The following LINGO2 variants were observed in gnomAD, a reference collection of about 807,000 sequenced individuals.
LINGO2 encodes leucine rich repeat and Ig domain containing 2, also known as leucine-rich repeat and immunoglobulin-like domain-containing nogo receptor-interacting protein 2.
Under a neutral mutation model 30.6 loss-of-function variants are expected in LINGO2, and 14 were observed. The observed-to-expected ratio is 0.46, with a 90% CI of 0.30 to 0.72. The LOEUF (loss-of-function observed/expected upper bound fraction) is 0.72. Among genes scored for constraint, LINGO2 ranks in the 30% least tolerant of loss-of-function variants. LINGO2 has a pLI of 0.07. For missense variants in LINGO2, 729 were observed against 751.7 expected (o/e 0.97, Z 0.35); for synonymous variants, 317 against 288.5 (o/e 1.10, Z -1.00).
the LINGO2 span, among the ~76,000 whole-genome samples, chr9:28,749,725 CT>C: frequency 6.6e-6 from 1 of 151,978 alleles, no homozygotes; most frequent in Non-Finnish European, 1.5e-5. Flanking sequence ...ATGCAAAGTA[CT>C]CACAAAAGTT....
chr9:28,061,094 T>C (rs1825129665), intron 4 of LINGO2, among the ~76,000 whole-genome samples: 1 of 151,656 alleles, frequency 6.6e-6, no homozygotes, highest in African/African-American at 2.4e-5. Context: ...TTATTTGTTA[T>C]GGTTATTTTT....
At chr9:28,821,413 T>A in the LINGO2 span, among the ~76,000 whole-genome samples, 2 of 152,180 alleles carry the variant, frequency 1.3e-5, no homozygotes, top group Non-Finnish European at 2.9e-5. Context: ...TTCCTCCTGG[T>A]GGGATGCTCA....
intron 4 of LINGO2, among the ~76,000 whole-genome samples, chr9:28,121,331 G>T (rs1454913269): frequency 6.6e-6 from 1 of 151,896 alleles, no homozygotes; most frequent in Non-Finnish European, 1.5e-5. Context: ...GGACTTTGGT[G>T]GTTTTACTTT....
intron 1 of LINGO2, among the ~76,000 whole-genome samples, chr9:28,557,033 C>T (rs1822745051): frequency 1.3e-5 from 2 of 151,296 alleles, no homozygotes; most frequent in South Asian, 2.1e-4. Context: ...AGACCTAAAA[C>T]CATAAAAACC....
intron 5 of LINGO2, among the ~76,000 whole-genome samples, chr9:28,005,506 C>G (rs1822219130): frequency 6.6e-6 from 1 of 152,136 alleles, no homozygotes; most frequent in South Asian, 2.1e-4. Context: ...ATCTAATTCT[C>G]CACATATCCT....
chr9:29,000,216 C>T, the LINGO2 span, among the ~76,000 whole-genome samples: 4 of 151,798 alleles, frequency 2.6e-5, no homozygotes, highest in Admixed American at 6.6e-5. Flanking sequence ...ACCTCTTTTT[C>T]CTATGAATTA....
intron 5 of LINGO2, among the ~76,000 whole-genome samples, chr9:27,968,499 A>G (rs1262906363): frequency 6.6e-6 from 1 of 152,090 alleles, no homozygotes; most frequent in African/African-American, 2.4e-5. Flanking sequence ...ACCTTCATGC[A>G]TAAAGCAAAA....
chr9:28,998,022 T>C, the LINGO2 span, among the ~76,000 whole-genome samples: 11 of 152,308 alleles, frequency 7.2e-5, no homozygotes, highest in East Asian at 1.5e-3. Flanking sequence ...AGAAGCCATA[T>C]GGCTGTCTGA....
intron 1 of LINGO2, among the ~76,000 whole-genome samples, chr9:28,498,102 G>C (rs888828239): frequency 1.3e-5 from 2 of 152,182 alleles, no homozygotes; most frequent in Non-Finnish European, 2.9e-5. Flanking sequence ...TTACTTGGGG[G>C]TCAGGGACCC....
the LINGO2 span, among the ~76,000 whole-genome samples, chr9:29,032,953 C>A: frequency 3.9e-5 from 6 of 152,036 alleles, no homozygotes; most frequent in African/African-American, 1.4e-4. Context: ...CCTAATTAAA[C>A]CAATATGAGG....
intron 1 of LINGO2, among the ~76,000 whole-genome samples, chr9:28,570,441 G>C (rs967444428): frequency 2.0e-5 from 3 of 151,770 alleles, no homozygotes; most frequent in African/African-American, 7.3e-5. Flanking sequence ...AAAATTAAAG[G>C]AGAGTTTTCT....
the LINGO2 span, among the ~76,000 whole-genome samples, chr9:28,972,502 C>A: frequency 6.6e-6 from 1 of 152,036 alleles, no homozygotes; most frequent in Admixed American, 6.5e-5. Flanking sequence ...AGCTGAAAAA[C>A]AGTATTGAAA....
intron 3 of LINGO2, among the ~76,000 whole-genome samples, chr9:28,306,901 G>T (rs1824385460): frequency 6.6e-6 from 1 of 152,146 alleles, no homozygotes; most frequent in African/African-American, 2.4e-5. Flanking sequence ...TCTCTGAATA[G>T]ACCAATAACA....
chr9:28,855,666 CAT>C, the LINGO2 span, among the ~76,000 whole-genome samples: 1 of 151,976 alleles, frequency 6.6e-6, no homozygotes, highest in Non-Finnish European at 1.5e-5. Flanking sequence ...CACACACACA[CAT>C]ACACACACAC....
chr9:29,111,144 C>T, the LINGO2 span, among the ~76,000 whole-genome samples: 2 of 152,084 alleles, frequency 1.3e-5, no homozygotes. Context: ...TAAAAAATCA[C>T]TGTATACATT....
the LINGO2 span, among the ~76,000 whole-genome samples, chr9:28,974,466 A>C: frequency 2.0e-5 from 3 of 152,268 alleles, no homozygotes; most frequent in African/African-American, 7.2e-5. Flanking sequence ...TGTGGGCTGG[A>C]GGAGGAAGTT....
intron 5 of LINGO2, among the ~76,000 whole-genome samples, chr9:27,963,366 A>G (rs569009596): frequency 1.6e-4 from 24 of 152,294 alleles, no homozygotes; most frequent in African/African-American, 5.5e-4. Context: ...CCTCAAACAG[A>G]TACAGTGATA....
At chr9:29,168,312 T>G in the LINGO2 span, among the ~76,000 whole-genome samples, 1 of 152,312 alleles carries the variant, frequency 6.6e-6, no homozygotes, top group South Asian at 2.1e-4. Context: ...ATGTTTGATG[T>G]AATAGACTAT....
chr9:28,972,131 C>A, the LINGO2 span, among the ~76,000 whole-genome samples: 5 of 152,346 alleles, frequency 3.3e-5, no homozygotes, highest in African/African-American at 1.2e-4. Context: ...TAGACCACAA[C>A]ATGCAAGTCC....
Sources: gnomAD v4.1 joint callset for allele counts (sites outside exome capture counted in the v4.1 genomes callset) on GRCh38, gnomAD v4.1.1 for gene constraint, MANE v1.5 for transcripts, NCBI Gene and HGNC (gene_info 2026-07-23, HGNC 2026-07-21) for gene names.